The following PLSCR1 variants were observed in gnomAD, a reference collection of about 807,000 sequenced individuals.
PLSCR1 encodes the protein PL scramblase 1.
A neutral mutation model predicts 37.8 loss-of-function variants in PLSCR1; 17 were observed. The observed-to-expected ratio is 0.45, with a 90% CI of 0.31 to 0.68. PLSCR1 has a LOEUF of 0.68. Ranked by LOEUF, PLSCR1 falls within the 30% of genes least tolerant of loss-of-function variation. PLSCR1 has a pLI of 0.06. For missense variants in PLSCR1, 347 were observed against 380.9 expected (o/e 0.91, Z 0.74); for synonymous variants, 116 against 125.9 (o/e 0.92, Z 0.53).
intron 7 of PLSCR1, 88 bp from the exon 8 acceptor site, chr3:146,517,255 G>T: frequency 2.8e-6 from 2 of 702,068 alleles, no homozygotes; most frequent in Admixed American, 3.5e-5. Flanking sequence ...AACAAATATG[G>T]TATTAAAATT....
At chr3:146,536,714 C>A (rs2108664066) in intron 1 of PLSCR1, 149 bp from the exon 2 acceptor site, 1 of 559,520 alleles carries the variant, frequency 1.8e-6, no homozygotes, top group East Asian at 2.8e-5. Context: ...GTCATTTAAG[C>A]CCTTTGTGCT....
At chr3:146,517,327 G>A in intron 7 of PLSCR1, 160 bp from the exon 8 acceptor site, 1 of 368,012 alleles carries the variant, frequency 2.7e-6, no homozygotes, top group Non-Finnish European at 4.8e-6. Context: ...ATAGATATAT[G>A]AAAAAAACTG....
intron 3 of PLSCR1, among the ~76,000 whole-genome samples, chr3:146,532,919 A>G (rs188290553): frequency 1.3e-5 from 2 of 152,344 alleles, no homozygotes; most frequent in South Asian, 2.1e-4. Context: ...TGGAATCAGC[A>G]TATATATAAA....
intron 4 of PLSCR1, 25 bp from the exon 5 acceptor site, chr3:146,525,672 G>A (rs776230622): frequency 8.3e-7 from 1 of 1,198,142 alleles, no homozygotes; most frequent in Non-Finnish European, 1.2e-6. Context: ...AAAATAAGTG[G>A]TATGTATATG....
At chr3:146,516,974 T>C (rs200006548) in intron 8 of PLSCR1, 32 bp downstream of exon 8, 447 of 1,346,024 alleles carry the variant, frequency 3.3e-4, no homozygotes, top group Non-Finnish European at 4.3e-4. Flanking sequence ...AGAGAAAGCA[T>C]CTATAATCAA....
At chr3:146,540,404 G>A (rs966423314) in intron 1 of PLSCR1, among the ~76,000 whole-genome samples, 4 of 152,128 alleles carry the variant, frequency 2.6e-5, no homozygotes, top group African/African-American at 9.7e-5. Context: ...ACCACGAAGA[G>A]GAAGACACAG....
intron 2 of PLSCR1, among the ~76,000 whole-genome samples, chr3:146,534,670 G>A (rs9815834): frequency 2.0e-5 from 3 of 151,864 alleles, no homozygotes; most frequent in South Asian, 2.1e-4. Flanking sequence ...TCTCCTACTC[G>A]TTCAAGACTA....
At chr3:146,536,315 T>C (rs1466738517) in intron 2 of PLSCR1, among the ~76,000 whole-genome samples, 1 of 152,212 alleles carries the variant, frequency 6.6e-6, no homozygotes, top group Non-Finnish European at 1.5e-5. Context: ...TTCTTAGCTT[T>C]CCAAAAGGCT....
chr3:146,521,674 A>C lies in PLSCR1; in HGVS notation c.608T>G (p.Ile203Arg), dbSNP rs139995629. The C allele has an allele frequency of 6.3e-5, 101 of 1,613,174 alleles. No homozygotes were observed. Among genetic ancestry groups the C allele is most frequent in the Non-Finnish European group, 8.4e-5 (99 of 1,179,308 alleles). The change falls in exon 7 of 9, where the codon ATA becomes AGA. Residue 203 changes from isoleucine (I) to arginine (R), a missense_variant. Physicochemically the swap from Ile to Arg is moderately conservative, Grantham distance 97. Transcript: ENST00000342435. The part of the protein sequence containing the change: ...IEIQAPPGVP[I>R]GYVIQTWHPC... ...GTGCCAAGTCTGAATAACATAACCT[A>C]TTGGTACACCAGGAGGAGCTTGGAT...
At chr3:146,519,044 T>C (rs2043983528) in intron 7 of PLSCR1, among the ~76,000 whole-genome samples, 1 of 152,174 alleles carries the variant, frequency 6.6e-6, no homozygotes, top group Non-Finnish European at 1.5e-5. Flanking sequence ...ATCATGAGTA[T>C]ATTAATAGTT....
intron 4 of PLSCR1, among the ~76,000 whole-genome samples, chr3:146,526,958 G>A (rs1299916974): frequency 6.6e-6 from 1 of 152,160 alleles, no homozygotes; most frequent in African/African-American, 2.4e-5. Flanking sequence ...TGGCCAGTAT[G>A]GTGAAACCGT....
intron 5 of PLSCR1, among the ~76,000 whole-genome samples, chr3:146,522,389 AC>A (rs1004230726): frequency 5.3e-5 from 8 of 151,216 alleles, no homozygotes; most frequent in African/African-American, 1.5e-4. Flanking sequence ...CTGTAACCCT[AC>A]CCCCCACCCT....
At chr3:146,521,741 T>C (rs1220517870) in intron 6 of PLSCR1, 36 bp from the exon 7 acceptor site, 3 of 1,588,102 alleles carry the variant, frequency 1.9e-6, no homozygotes, top group Non-Finnish European at 2.6e-6. Flanking sequence ...AATGTAATAA[T>C]CATAATGCCT....
intron 3 of PLSCR1, among the ~76,000 whole-genome samples, chr3:146,531,397 T>G (rs547212593): frequency 6.6e-4 from 101 of 152,200 alleles, no homozygotes; most frequent in Non-Finnish European, 9.7e-4. Context: ...GGCTCTACAC[T>G]CTCTGTAATA....
intron 8 of PLSCR1, chr3:146,516,601 T>C: frequency 1.2e-5 from 2 of 172,892 alleles, no homozygotes; most frequent in Non-Finnish European, 2.4e-5. Context: ...TACACTCTTA[T>C]TGTACTTCAT....
intron 1 of PLSCR1, among the ~76,000 whole-genome samples, chr3:146,542,435 C>T (rs1361271814): frequency 3.3e-5 from 5 of 152,148 alleles, no homozygotes; most frequent in Non-Finnish European, 5.9e-5. Context: ...AATTCTATGA[C>T]GTTCTCACAA....
At chr3:146,541,728 C>G (rs543267420) in intron 1 of PLSCR1, among the ~76,000 whole-genome samples, 65 of 152,300 alleles carry the variant, frequency 4.3e-4, no homozygotes, top group South Asian at 6.2e-4. Context: ...AATGTGTGAG[C>G]TAAGTTCATG....
chr3:146,537,676 T>C (rs2609867), intron 1 of PLSCR1, among the ~76,000 whole-genome samples: 41,151 of 151,776 alleles, frequency 0.27, 5,789 homozygotes, highest in African/African-American at 0.32. Flanking sequence ...AAGTTTGAGA[T>C]CAGCCTGGGC....
At chr3:146,541,603 GA>G (rs575519878) in intron 1 of PLSCR1, among the ~76,000 whole-genome samples, 11 of 152,202 alleles carry the variant, frequency 7.2e-5, no homozygotes, top group Non-Finnish European at 1.6e-4. Context: ...ATCCTTCAGT[GA>G]AATTTGTTAA....
Sources: gnomAD v4.1 joint callset for allele counts (sites outside exome capture counted in the v4.1 genomes callset) on GRCh38, gnomAD v4.1.1 for gene constraint, MANE v1.5 for transcripts, NCBI Gene and HGNC (gene_info 2026-07-23, HGNC 2026-07-21) for gene names.